Variants in RAD54B observed in about 807,000 individuals in gnomAD.
The protein encoded by RAD54B is RAD54 homolog B.
A neutral mutation model predicts 95.8 loss-of-function variants in RAD54B; 78 were observed. The observed-to-expected ratio is 0.81, with a 90% CI of 0.68 to 0.98. The LOEUF (loss-of-function observed/expected upper bound fraction) is 0.98. Ranked by LOEUF, RAD54B falls within the 50% of genes least tolerant of loss-of-function variation. The probability of loss-of-function intolerance (pLI) is 0.00; values close to 1 mark genes in which losing one functional copy is unlikely to be tolerated. For synonymous variants in RAD54B, 328 were observed against 354.9 expected, an observed-to-expected ratio of 0.92 and a Z score of 0.85; for missense variants, 957 against 1,056.6, an observed-to-expected ratio of 0.91 and a Z score of 1.31.
At chr8:94,410,299 GTTC>G (rs1172641337) in intron 4 of RAD54B, among the ~76,000 whole-genome samples, 1 of 152,072 alleles carries the variant, frequency 6.6e-6, no homozygotes, top group Non-Finnish European at 1.5e-5. Flanking sequence ...AGATTAAATG[GTTC>G]TTTTATGCTC....
At chr8:94,461,038 T>A (rs751969069) in intron 2 of RAD54B, among the ~76,000 whole-genome samples, 1 of 151,990 alleles carries the variant, frequency 6.6e-6, no homozygotes, top group Non-Finnish European at 1.5e-5. Flanking sequence ...TTCCAGTGAT[T>A]AGGACATGAA....
intron 11 of RAD54B, among the ~76,000 whole-genome samples, chr8:94,382,507 ATCTT>A (rs201879499): frequency 0.012 from 1,837 of 152,304 alleles, 16 homozygotes; most frequent in South Asian, 0.018. Context: ...TTAATCTCCC[ATCTT>A]TCTTAGGAAA....
chr8:94,427,344 T>C (rs1054800994), intron 3 of RAD54B, among the ~76,000 whole-genome samples: 4 of 152,034 alleles, frequency 2.6e-5, no homozygotes, highest in African/African-American at 4.8e-5. Context: ...CTTTAATCAA[T>C]ATAAAAGATT....
At chr8:94,429,407 G>T in intron 3 of RAD54B, 2 of 872,084 alleles carry the variant, frequency 2.3e-6, no homozygotes, top group Non-Finnish European at 2.8e-6. Flanking sequence ...TTTTAACACA[G>T]ATCTCTTTTC....
intron 9 of RAD54B, among the ~76,000 whole-genome samples, chr8:94,392,846 T>G (rs1811056237): frequency 6.7e-6 from 1 of 149,928 alleles, no homozygotes; most frequent in Non-Finnish European, 1.5e-5. Context: ...TAGTTTTGTT[T>G]TTTTTTTTTG....
chr8:94,432,302 A>T, intron 3 of RAD54B: 39 of 1,550,272 alleles, frequency 2.5e-5, no homozygotes, highest in Non-Finnish European at 3.3e-5. Flanking sequence ...AAATTATCTG[A>T]TGCTCCTCTT....
At position 94,411,158 on chromosome 8, in the gene RAD54B, A is replaced by T. The variant is rs765934381; in HGVS notation, c.462T>A (p.Phe154Leu). 3.1e-6 allele frequency: 5 copies of T among 1,610,224 alleles called. No individual in the cohort carries two copies. In the South Asian group the frequency reaches 5.5e-5, roughly 18 times the overall value. Reference sequence around the variant, plus strand: ...CTTTGCCTTCCAAATTCTTTAATATAAATGACTTTCCTTTTACAATAAGAA... The same window carrying T: ...CTTTGCCTTCCAAATTCTTTAATATTAATGACTTTCCTTTTACAATAAGAA... ...DAVLIVKGKSFILKNLEGKDI... is the reference protein window; with the variant it reads ...DAVLIVKGKSLILKNLEGKDI... Residue 154 changes from phenylalanine (F) to leucine (L), a missense_variant, in exon 4 of 15, where the codon TTT becomes TTA. Transcript: ENST00000336148.
At chr8:94,420,955 A>C (rs1316889619) in intron 3 of RAD54B, among the ~76,000 whole-genome samples, 2 of 151,462 alleles carry the variant, frequency 1.3e-5, no homozygotes, top group Non-Finnish European at 2.9e-5. Flanking sequence ...GCTGCACTCC[A>C]GCCTGGGCAA....
chr8:94,404,552 T>C (rs1168525736), intron 5 of RAD54B, among the ~76,000 whole-genome samples: 1 of 152,232 alleles, frequency 6.6e-6, no homozygotes, highest in Non-Finnish European at 1.5e-5. Flanking sequence ...AATAGTTCAG[T>C]ATTCAGAGCA....
At chr8:94,422,651 T>TATATATATATATATATATAAAA (rs556821145) in intron 3 of RAD54B, among the ~76,000 whole-genome samples, 1 of 88,908 alleles carries the variant, frequency 1.1e-5, no homozygotes, top group Non-Finnish European at 2.2e-5. Flanking sequence ...TATATATATA[T>TATATATATATATATATATAAAA]ATAAAATTAT....
intron 3 of RAD54B, among the ~76,000 whole-genome samples, chr8:94,444,720 T>G (rs960022326): frequency 6.6e-6 from 1 of 152,158 alleles, no homozygotes; most frequent in African/African-American, 2.4e-5. Context: ...AAAAGAAGCT[T>G]ACTGTTTATT....
chr8:94,406,861 G>A (rs1489458155), intron 5 of RAD54B, among the ~76,000 whole-genome samples: 1 of 152,072 alleles, frequency 6.6e-6, no homozygotes, highest in African/African-American at 2.4e-5. Context: ...AGGCAATCAA[G>A]AAATACCTGC....
chr8:94,396,669 T>C (rs1811155642), intron 8 of RAD54B, among the ~76,000 whole-genome samples: 1 of 152,158 alleles, frequency 6.6e-6, no homozygotes, highest in Non-Finnish European at 1.5e-5. Context: ...TATGATATAA[T>C]GAAAGGGCAT....
chr8:94,414,573 T>C (rs889859652), intron 3 of RAD54B, among the ~76,000 whole-genome samples: 26 of 152,218 alleles, frequency 1.7e-4, no homozygotes, highest in African/African-American at 6.3e-4. Context: ...TTTCTGCATC[T>C]ATTGAGATAA....
At chr8:94,445,334 T>A (rs1812496772) in intron 3 of RAD54B, among the ~76,000 whole-genome samples, 1 of 152,098 alleles carries the variant, frequency 6.6e-6, no homozygotes, top group African/African-American at 2.4e-5. Flanking sequence ...TTTCAACATA[T>A]AAATGTGGGG....
intron 3 of RAD54B, among the ~76,000 whole-genome samples, chr8:94,448,981 T>C (rs1034520549): frequency 2.0e-5 from 3 of 152,122 alleles, no homozygotes; most frequent in Non-Finnish European, 2.9e-5. Flanking sequence ...CTTGCTTCAC[T>C]ATATTACCAT....
intron 3 of RAD54B, among the ~76,000 whole-genome samples, chr8:94,427,372 C>T (rs1332656249): frequency 6.6e-6 from 1 of 151,842 alleles, no homozygotes. Context: ...ATATATTGAA[C>T]AATTTCTCAA....
intron 2 of RAD54B, among the ~76,000 whole-genome samples, chr8:94,465,430 A>C (rs1181847566): frequency 6.6e-6 from 1 of 152,230 alleles, no homozygotes. Context: ...GTCATTAAGG[A>C]AATACAAATC....
At chr8:94,380,969 C>A (rs192326270) in intron 11 of RAD54B, among the ~76,000 whole-genome samples, 72 of 152,154 alleles carry the variant, frequency 4.7e-4, no homozygotes, top group African/African-American at 1.6e-3. Context: ...GAAAATAAAC[C>A]AAAGAAACTT....
Sources: allele counts gnomAD v4.1 joint callset (sites outside exome capture counted in the v4.1 genomes callset), GRCh38; gene constraint gnomAD v4.1.1; transcripts MANE v1.5; gene names NCBI Gene and HGNC (gene_info 2026-07-23, HGNC 2026-07-21).